Variants in TAFA1 observed in about 807,000 individuals in gnomAD.
TAFA1 encodes TAFA chemokine like family member 1.
TAFA1 carries 4 observed loss-of-function variants against 18.5 expected under a neutral mutation model. The ratio of observed to expected loss-of-function variants is 0.22; its 90% CI spans 0.11 to 0.49. The LOEUF is 0.49. Among genes scored for constraint, TAFA1 ranks in the 20% least tolerant of loss-of-function variants. TAFA1 has a pLI of 0.98. For missense variants in TAFA1, 147 were observed against 169.0 expected (o/e 0.87, Z 0.72); for synonymous variants, 56 against 55.2 (o/e 1.01, Z -0.06).
At chr3:68,367,679 C>G (rs1270720135) in intron 2 of TAFA1, among the ~76,000 whole-genome samples, 1 of 152,214 alleles carries the variant, frequency 6.6e-6, no homozygotes, top group Non-Finnish European at 1.5e-5. Context: ...AAATCTAGTC[C>G]AACCATACCC....
At chr3:68,277,140 A>G (rs140705425) in intron 2 of TAFA1, among the ~76,000 whole-genome samples, 2 of 152,272 alleles carry the variant, frequency 1.3e-5, no homozygotes, top group East Asian at 3.9e-4. Flanking sequence ...CTACTTGCAT[A>G]TATATTAGTG....
chr3:68,216,108 G>A (rs1259122467), intron 2 of TAFA1, among the ~76,000 whole-genome samples: 1 of 152,000 alleles, frequency 6.6e-6, no homozygotes, highest in Non-Finnish European at 1.5e-5. Flanking sequence ...TCTGGAAAAG[G>A]CAAAACTTCA....
At chr3:68,031,994 C>T (rs1704944837) in intron 2 of TAFA1, among the ~76,000 whole-genome samples, 2 of 152,052 alleles carry the variant, frequency 1.3e-5, no homozygotes, top group Non-Finnish European at 2.9e-5. Context: ...TACCTATTTA[C>T]GTATTGAGTG....
chr3:68,096,742 T>G (rs572998283), intron 2 of TAFA1, among the ~76,000 whole-genome samples: 2 of 152,100 alleles, frequency 1.3e-5, no homozygotes, highest in Non-Finnish European at 2.9e-5. Context: ...AGAAAGACAT[T>G]GTCATTAACA....
chr3:68,389,879 G>C (rs1039220411), intron 2 of TAFA1, among the ~76,000 whole-genome samples: 2 of 152,104 alleles, frequency 1.3e-5, no homozygotes, highest in African/African-American at 2.4e-5. Flanking sequence ...GACCAGATTT[G>C]CTTGGGTGCC....
At chr3:68,283,734 C>T (rs576655864) in intron 2 of TAFA1, among the ~76,000 whole-genome samples, 20 of 152,282 alleles carry the variant, frequency 1.3e-4, no homozygotes, top group African/African-American at 4.3e-4. Context: ...GCTATCCTAC[C>T]TCACAACACA....
At chr3:67,996,902 A>ATCTC in the TAFA1 span, among the ~76,000 whole-genome samples, 3 of 152,158 alleles carry the variant, frequency 2.0e-5, no homozygotes, top group East Asian at 5.8e-4. Context: ...TCTAGTGGAG[A>ATCTC]GACAATAATA....
chr3:68,337,199 A>G lies in TAFA1; in HGVS notation c.119-80081A>G, dbSNP rs117125254. Among the ~76,000 whole-genome samples the G allele has an allele frequency of 0.011, 1,632 of 152,300 alleles. 86 individuals carry two copies. In the East Asian group the frequency reaches 0.17, roughly 16 times the overall value. ...CACGGTTCCACACACTATACAGGAA[A>G]CATGGCTGGGGTGCCCTCCGAAAAC... is the stretch of plus-strand genomic sequence containing the variant. On this transcript the variant is annotated intron_variant, in intron 2 of 4. Coordinates refer to ENST00000478136, the MANE Select transcript of TAFA1 (RefSeq NM_213609.4).
At chr3:68,400,933 T>A (rs527261095) in intron 2 of TAFA1, among the ~76,000 whole-genome samples, 23 of 152,306 alleles carry the variant, frequency 1.5e-4, no homozygotes, top group Admixed American at 6.5e-4. Flanking sequence ...CAGAAAAATA[T>A]TTTTGAATGT....
intron 2 of TAFA1, among the ~76,000 whole-genome samples, chr3:68,248,956 T>C (rs144540825): frequency 2.6e-5 from 4 of 152,230 alleles, no homozygotes; most frequent in African/African-American, 9.6e-5. Flanking sequence ...GGTGTTCTCC[T>C]GTCCAGCCCT....
intron 3 of TAFA1, among the ~76,000 whole-genome samples, chr3:68,465,690 A>G (rs573093319): frequency 6.6e-6 from 1 of 152,318 alleles, no homozygotes; most frequent in Non-Finnish European, 1.5e-5. Context: ...CTTCGTCTCT[A>G]GCCACAGGTC....
intron 3 of TAFA1, among the ~76,000 whole-genome samples, chr3:68,444,821 TAATA>T (rs1163729643): frequency 1.4e-5 from 2 of 138,240 alleles, no homozygotes; most frequent in South Asian, 4.6e-4. Flanking sequence ...TAAAATAAAT[TAATA>T]AATAAATACA....
At chr3:68,405,371 G>GGCA (rs1371546501) in intron 2 of TAFA1, among the ~76,000 whole-genome samples, 2 of 152,002 alleles carry the variant, frequency 1.3e-5, no homozygotes, top group Admixed American at 6.6e-5. Context: ...AGTCAGGCCA[G>GGCA]GCACAGTGGC....
chr3:68,081,166 G>C (rs1044781348), intron 2 of TAFA1, among the ~76,000 whole-genome samples: 2 of 152,094 alleles, frequency 1.3e-5, no homozygotes, highest in African/African-American at 2.4e-5. Context: ...ATCTCCATCA[G>C]CTCCTTTAAG....
intron 2 of TAFA1, among the ~76,000 whole-genome samples, chr3:68,403,819 G>C (rs1307546237): frequency 6.6e-6 from 1 of 152,182 alleles, no homozygotes; most frequent in African/African-American, 2.4e-5. Context: ...GCCCTGGAAG[G>C]TCTTGCACAG....
chr3:68,370,395 CAT>C (rs1168584727), intron 2 of TAFA1, among the ~76,000 whole-genome samples: 3 of 83,090 alleles, frequency 3.6e-5, no homozygotes, highest in Admixed American at 3.1e-4. Flanking sequence ...TATATACACA[CAT>C]ATATATACAC....
chr3:68,167,760 A>C lies in TAFA1; in HGVS notation c.118+161016A>C, dbSNP rs148617931. ...ACCAAAGAACACCTAACACAGGTTG[A>C]AATAGTTTAATAAAAGTTACAGAAG... On this transcript the variant is annotated intron_variant, in intron 2 of 4. Coordinates refer to ENST00000478136, the MANE Select transcript of TAFA1 (RefSeq NM_213609.4). Among the ~76,000 whole-genome samples, 515 of 152,222 alleles carry C rather than the reference A, an allele frequency of 3.4e-3. 3 individuals are homozygous for C. The highest frequency in any genetic ancestry group is 5.9e-3 in the Non-Finnish European group (401 of 68,018).
intron 3 of TAFA1, among the ~76,000 whole-genome samples, chr3:68,421,740 C>T (rs1300580297): frequency 6.6e-6 from 1 of 151,920 alleles, no homozygotes; most frequent in Non-Finnish European, 1.5e-5. Flanking sequence ...ATGTTTTTTG[C>T]ACAATGTCTG....
intron 3 of TAFA1, among the ~76,000 whole-genome samples, chr3:68,466,498 A>C (rs1455210535): frequency 6.6e-6 from 1 of 152,158 alleles, no homozygotes; most frequent in Non-Finnish European, 1.5e-5. Context: ...TCAAGTGTTC[A>C]GAGAAGGTTA....
Sources: gnomAD v4.1 joint callset for allele counts (sites outside exome capture counted in the v4.1 genomes callset) on GRCh38, gnomAD v4.1.1 for gene constraint, MANE v1.5 for transcripts, NCBI Gene and HGNC (gene_info 2026-07-23, HGNC 2026-07-21) for gene names.